DLGAP2: variants seen among roughly 807,000 people sequenced by gnomAD.
The protein encoded by DLGAP2 is DLG associated protein 2.
DLGAP2 carries 26 observed loss-of-function variants against 100.3 expected under a neutral mutation model. The ratio of observed to expected loss-of-function variants is 0.26; its 90% CI spans 0.19 to 0.36. The LOEUF is 0.36. DLGAP2 is among the 10% of genes least tolerant of loss of function. The pLI is 1.00. For synonymous variants in DLGAP2, 886 were observed against 630.1 expected (o/e 1.41, Z -6.08); for missense variants, 1,858 against 1,453.2 (o/e 1.28, Z -4.53).
chr8:1,099,262 T>C (rs1457171503), intron 2 of DLGAP2, among the ~76,000 whole-genome samples: 1 of 152,218 alleles, frequency 6.6e-6, no homozygotes, highest in Non-Finnish European at 1.5e-5. Context: ...AGAGTTAATA[T>C]TTCTGTCATC....
intron 2 of DLGAP2, among the ~76,000 whole-genome samples, chr8:1,166,040 A>G (rs1319620005): frequency 6.6e-6 from 1 of 152,172 alleles, no homozygotes; most frequent in Non-Finnish European, 1.5e-5. Flanking sequence ...CCCGTCAGTA[A>G]CCCATGGGTG....
At chr8:1,650,557 A>G (rs911892425) in intron 8 of DLGAP2, among the ~76,000 whole-genome samples, 3 of 152,264 alleles carry the variant, frequency 2.0e-5, no homozygotes, top group Non-Finnish European at 1.5e-5. Context: ...GGCGCTTAAC[A>G]GAAATGAATT....
intron 2 of DLGAP2, among the ~76,000 whole-genome samples, chr8:1,008,736 C>T (rs1265185852): frequency 1.3e-5 from 2 of 152,196 alleles, no homozygotes; most frequent in African/African-American, 4.8e-5. Flanking sequence ...TTCCCCGCTC[C>T]CCCACCCCAG....
chr8:1,340,074 A>G (rs1328754973), intron 3 of DLGAP2, among the ~76,000 whole-genome samples: 1 of 152,200 alleles, frequency 6.6e-6, no homozygotes, highest in African/African-American at 2.4e-5. Context: ...TTCTTCCACC[A>G]TATGCCAAAA....
chr8:1,493,121 C>T (rs545227767), intron 3 of DLGAP2, among the ~76,000 whole-genome samples: 143 of 152,340 alleles, frequency 9.4e-4, no homozygotes, highest in Middle Eastern at 3.4e-3. Context: ...TCAAGCTGTG[C>T]AGGTAGAACC....
chr8:1,483,051 C>T (rs1364556111), intron 3 of DLGAP2, among the ~76,000 whole-genome samples: 2 of 152,244 alleles, frequency 1.3e-5, no homozygotes, highest in Non-Finnish European at 2.9e-5. Flanking sequence ...AGTGAGCCTC[C>T]GGCGCGCGCG....
At chr8:1,291,829 T>C (rs1427138862) in intron 3 of DLGAP2, among the ~76,000 whole-genome samples, 2 of 152,180 alleles carry the variant, frequency 1.3e-5, no homozygotes, top group Non-Finnish European at 2.9e-5. Context: ...AGCCACACTT[T>C]GTACTGCTCA....
At chr8:1,701,062 G>C in intron 14 of DLGAP2, 126 bp from the exon 15 acceptor site, 1 of 824,688 alleles carries the variant, frequency 1.2e-6, no homozygotes, top group South Asian at 1.9e-5. Context: ...GGGGACGGGA[G>C]TGAAGGATGC....
At chr8:980,817 G>A (rs556895863) in intron 2 of DLGAP2, among the ~76,000 whole-genome samples, 4 of 152,264 alleles carry the variant, frequency 2.6e-5, no homozygotes, top group South Asian at 4.1e-4. Context: ...GGGCCAATGG[G>A]AGAGGGAGGG....
intron 2 of DLGAP2, among the ~76,000 whole-genome samples, chr8:1,044,110 G>A (rs959443499): frequency 6.6e-6 from 1 of 152,142 alleles, no homozygotes; most frequent in Non-Finnish European, 1.5e-5. Flanking sequence ...TGAAGCTCAG[G>A]ATGGTGAGAT....
intron 3 of DLGAP2, among the ~76,000 whole-genome samples, chr8:1,296,717 C>A (rs183957377): frequency 2.5e-4 from 38 of 152,330 alleles, no homozygotes; most frequent in Non-Finnish European, 2.5e-4. Context: ...GCACTTAAAG[C>A]GTCAAAGGCT....
At chr8:1,577,367 G>C (rs1187508137) in intron 6 of DLGAP2, among the ~76,000 whole-genome samples, 1 of 152,052 alleles carries the variant, frequency 6.6e-6, no homozygotes, top group African/African-American at 2.4e-5. Context: ...TCAGGAGTTC[G>C]AGACCAGCCT....
At chr8:746,091 C>T (rs575532574) in intron 1 of DLGAP2, among the ~76,000 whole-genome samples, 1 of 152,186 alleles carries the variant, frequency 6.6e-6, no homozygotes, top group Non-Finnish European at 1.5e-5. Context: ...GGCCCGTGTG[C>T]CCTGCAGGAA....
In DLGAP2 at chr8:1,575,595, T is replaced by A. The variant is rs1317787676; in HGVS notation, c.1442+9701T>A. ...TAACTCGTCATTTACATTAGATATA[T>A]CTCCTAATGCTTTCCCTCCCCCCTC... On this transcript the variant is annotated intron_variant, in intron 6 of 14. Coordinates refer to ENST00000637795, the MANE Select transcript of DLGAP2 (RefSeq NM_001346810.2). Among the ~76,000 whole-genome samples the A allele has an allele frequency of 2.0e-5, 3 of 147,396 alleles. No homozygotes were observed. In the East Asian group the frequency reaches 6.3e-4, roughly 31 times the overall value.
At chr8:847,581 C>A (rs1042164634) in intron 1 of DLGAP2, among the ~76,000 whole-genome samples, 1 of 152,058 alleles carries the variant, frequency 6.6e-6, no homozygotes, top group Non-Finnish European at 1.5e-5. Flanking sequence ...GATCTCAGCT[C>A]ACTGCAGCCC....
chr8:1,312,511 A>G (rs73670744), intron 3 of DLGAP2, among the ~76,000 whole-genome samples: 2,002 of 152,268 alleles, frequency 0.013, 50 homozygotes, highest in African/African-American at 0.045. Context: ...AGACAAGAAC[A>G]GATTCAGGGT....
At chr8:907,716 C>G (rs1197659706) in intron 1 of DLGAP2, among the ~76,000 whole-genome samples, 196 bp from the exon 2 acceptor site, 1 of 152,174 alleles carries the variant, frequency 6.6e-6, no homozygotes, top group Non-Finnish European at 1.5e-5. Context: ...TCACACTCAC[C>G]TGATTAACCT....
At chr8:864,853 T>C (rs1314083351) in intron 1 of DLGAP2, among the ~76,000 whole-genome samples, 1 of 152,182 alleles carries the variant, frequency 6.6e-6, no homozygotes, top group Non-Finnish European at 1.5e-5. Context: ...TTTATATTGG[T>C]CAGTGTTCTC....
chr8:1,229,677 A>C (rs1395687705), intron 2 of DLGAP2, among the ~76,000 whole-genome samples: 1 of 152,246 alleles, frequency 6.6e-6, no homozygotes, highest in Non-Finnish European at 1.5e-5. Flanking sequence ...CACCACAATC[A>C]AGTAGGCTTC....
Sources: gnomAD v4.1 joint callset for allele counts (sites outside exome capture counted in the v4.1 genomes callset) on GRCh38, gnomAD v4.1.1 for gene constraint, MANE v1.5 for transcripts, NCBI Gene and HGNC (gene_info 2026-07-23, HGNC 2026-07-21) for gene names.